NRP2: variants seen among roughly 807,000 people sequenced by gnomAD.
The protein encoded by NRP2 is neuropilin 2.
A neutral mutation model predicts 110.4 loss-of-function variants in NRP2; 52 were observed. That is an observed-to-expected ratio of 0.47 (90% confidence interval 0.38 to 0.59). The LOEUF is 0.59. NRP2 is among the 20% of genes least tolerant of loss of function. The pLI is 0.00. For synonymous variants in NRP2, 508 were observed against 468.9 expected (o/e 1.08, Z -1.08); for missense variants, 1,049 against 1,203.0 (o/e 0.87, Z 1.89).
intron 13 of NRP2, 68 bp downstream of exon 13, chr2:205,764,004 G>T: frequency 6.3e-7 from 1 of 1,588,378 alleles, no homozygotes; most frequent in Non-Finnish European, 8.6e-7. Context: ...CCCATTCATC[G>T]TTAGGGAACG....
chr2:205,776,888 G>C, intron 15 of NRP2: 1 of 1,205,772 alleles, frequency 8.3e-7, no homozygotes, highest in Non-Finnish European at 1.0e-6. Flanking sequence ...TCCTCTCAGT[G>C]GGCAGTCTGC....
intron 15 of NRP2, among the ~76,000 whole-genome samples, chr2:205,789,507 A>G (rs2058273842): frequency 6.6e-6 from 1 of 152,274 alleles, no homozygotes; most frequent in Non-Finnish European, 1.5e-5. Context: ...CAAAATTCTG[A>G]GTCCCTGGTT....
intron 15 of NRP2, among the ~76,000 whole-genome samples, chr2:205,788,517 C>T (rs773997337): frequency 3.3e-5 from 5 of 152,046 alleles, no homozygotes; most frequent in African/African-American, 1.2e-4. Flanking sequence ...GAGCCTGATA[C>T]GAATGAATGC....
intron 10 of NRP2, among the ~76,000 whole-genome samples, chr2:205,747,971 A>G (rs1006993567): frequency 3.3e-5 from 5 of 152,104 alleles, no homozygotes; most frequent in Non-Finnish European, 7.4e-5. Context: ...AGTCTCTGAC[A>G]TCTGGTTTCA....
At chr2:205,766,146 G>A (rs569215385) in intron 14 of NRP2, among the ~76,000 whole-genome samples, 1 of 152,178 alleles carries the variant, frequency 6.6e-6, no homozygotes, top group Non-Finnish European at 1.5e-5. Context: ...TGACTGGCAC[G>A]AGAAGGATAT....
At chr2:205,791,657 A>G (rs1433699807) in intron 15 of NRP2, among the ~76,000 whole-genome samples, 2 of 152,258 alleles carry the variant, frequency 1.3e-5, no homozygotes, top group South Asian at 2.1e-4. Context: ...TAGGAAAAAT[A>G]GACTTGGGAA....
At chr2:205,765,349 A>AACACACAC (rs35659576) in intron 13 of NRP2, 125 bp from the exon 14 acceptor site, 4 of 724,042 alleles carry the variant, frequency 5.5e-6, no homozygotes, top group African/African-American at 5.2e-5. Flanking sequence ...CAGGTGCAAT[A>AACACACAC]ACACACACAC....
chr2:205,773,908 ACTT>A (rs761777634), intron 15 of NRP2, among the ~76,000 whole-genome samples: 200 of 152,202 alleles, frequency 1.3e-3, no homozygotes, highest in Middle Eastern at 6.8e-3. Context: ...CTGGTCAGGT[ACTT>A]CTTTAGAGGG....
At chr2:205,707,866 C>T (rs2105769405) in intron 2 of NRP2, among the ~76,000 whole-genome samples, 1 of 152,282 alleles carries the variant, frequency 6.6e-6, no homozygotes, top group Non-Finnish European at 1.5e-5. Flanking sequence ...ACCAGGGGCC[C>T]CAGACGCTGT....
At chr2:205,728,278 G>T (rs2057168712) in intron 7 of NRP2, among the ~76,000 whole-genome samples, 1 of 152,240 alleles carries the variant, frequency 6.6e-6, no homozygotes, top group Non-Finnish European at 1.5e-5. Context: ...GCAGCAGAGA[G>T]AGAGAGCTTG....
At chr2:205,787,715 T>G (rs1473321150) in intron 15 of NRP2, among the ~76,000 whole-genome samples, 2 of 79,382 alleles carry the variant, frequency 2.5e-5, no homozygotes, top group Admixed American at 3.1e-4. Context: ...TAAAAAAAAG[T>G]GTCTGTGTGT....
chr2:205,707,613 A>C (rs894724404), intron 2 of NRP2, among the ~76,000 whole-genome samples: 2 of 152,200 alleles, frequency 1.3e-5, no homozygotes, highest in African/African-American at 4.8e-5. Flanking sequence ...GATGCCAGCA[A>C]AGAGGAATAG....
chr2:205,704,247 C>T (rs892323602), intron 2 of NRP2, among the ~76,000 whole-genome samples: 4 of 152,172 alleles, frequency 2.6e-5, no homozygotes, highest in African/African-American at 9.7e-5. Flanking sequence ...CCAGATTGCC[C>T]AGTTGGAGGT....
At position 205,728,058 on chromosome 2, in the gene NRP2, A is replaced by G. The variant is rs368614325; in HGVS notation, c.1146+12A>G. 2 of 1,614,034 alleles carry G rather than the reference A, an allele frequency of 1.2e-6. No individual in the cohort carries two copies. Among genetic ancestry groups the G allele is most frequent in the Non-Finnish European group, 1.7e-6 (2 of 1,179,984 alleles). ...GCAAAAACCACAAGGTAAATCCATG[A>G]TCCTACCTTAAAGGCACATTGGACC... On this transcript the variant is annotated intron_variant, in intron 7 of 16. Coordinates refer to ENST00000357785, the MANE Select transcript of NRP2 (RefSeq NM_003872.3).
At chr2:205,718,497 A>G (rs1045476027) in intron 3 of NRP2, among the ~76,000 whole-genome samples, 10 of 152,144 alleles carry the variant, frequency 6.6e-5, no homozygotes, top group African/African-American at 2.4e-4. Context: ...GGGGTTGCCT[A>G]GTGAAGAGAT....
At chr2:205,780,728 A>T (rs1312259899) in intron 15 of NRP2, among the ~76,000 whole-genome samples, 2 of 152,290 alleles carry the variant, frequency 1.3e-5, no homozygotes, top group East Asian at 3.9e-4. Flanking sequence ...CCTGCTTTTC[A>T]TCCTATCCAA....
chr2:205,794,160 G>A (rs987697168), intron 16 of NRP2, among the ~76,000 whole-genome samples: 4 of 152,106 alleles, frequency 2.6e-5, no homozygotes, highest in African/African-American at 9.7e-5. Flanking sequence ...ACCCAGGCTG[G>A]AGTGCAGTGG....
intron 9 of NRP2, among the ~76,000 whole-genome samples, chr2:205,744,601 T>C (rs1171148992): frequency 1.3e-5 from 2 of 152,192 alleles, no homozygotes; most frequent in Non-Finnish European, 2.9e-5. Flanking sequence ...ATCAGTCTCC[T>C]GGCAGGCCAG....
rs2057120428 is a variant in NRP2 at position 205,725,993 on chromosome 2, G to A, written c.901G>A (p.Asp301Asn). ...EQISASSTYS[D>N]GRWTPQQSRL... ...GATCAGTGCCTCATCTACCTACTCT[G>A]ATGGGAGGTGGACCCCTCAACAAAG... Residue 301 changes from aspartate to asparagine, a missense_variant, in exon 6 of 17, where the codon GAT becomes AAT. Transcript: ENST00000357785. The surrounding 1 kb of genome is among the most constrained non-coding windows in gnomAD (Gnocchi z 4.1). 2 of 1,614,164 alleles carry A rather than the reference G, an allele frequency of 1.2e-6. No homozygotes were observed. Among genetic ancestry groups the A allele is most frequent in the Non-Finnish European group, 1.7e-6 (2 of 1,180,010 alleles).
Sources: gnomAD v4.1 joint callset for allele counts (sites outside exome capture counted in the v4.1 genomes callset) on GRCh38, gnomAD v4.1.1 for gene constraint, Gnocchi (gnomAD v3.1) non-coding constraint, MANE v1.5 for transcripts, NCBI Gene and HGNC (gene_info 2026-07-23, HGNC 2026-07-21) for gene names.